The following CCDC73 variants were observed in gnomAD, a reference collection of about 807,000 sequenced individuals.
The protein encoded by CCDC73 is coiled-coil domain-containing protein 73.
A neutral mutation model predicts 116.5 loss-of-function variants in CCDC73; 95 were observed. That is an observed-to-expected ratio of 0.82 (90% CI 0.69 to 0.97). The LOEUF is 0.97. CCDC73 is among the 50% of genes least tolerant of loss of function. CCDC73 has a pLI of 0.00. For missense variants in CCDC73, 1,066 were observed against 1,206.8 expected, an observed-to-expected ratio of 0.88 and a Z score of 1.73; for synonymous variants, 398 against 401.3, an observed-to-expected ratio of 0.99 and a Z score of 0.10.
chr11:32,614,015 T>C lies in CCDC73; in HGVS notation c.2303A>G (p.Glu768Gly), dbSNP rs537297161. ...SQFNNCLGYL[E>G]NTNVNISHLH... ...ATGGGAAATGTTCACATTAGTGTTT[T>C]CTAAGTATCCCAAACAGTTATTAAA... The change falls in exon 16 of 18, where the codon GAA (glutamate) becomes GGA (glycine). Residue 768 changes from glutamate to glycine, a missense_variant. By Grantham distance (98) the Glu-to-Gly change is moderately conservative. Transcript: ENST00000335185. 2.0e-5 allele frequency: 33 copies of C among 1,611,740 alleles called. No homozygotes were observed. In the African/African-American group the frequency reaches 4.4e-4, roughly 21 times the overall value.
Position 32,681,801 on chromosome 11 carries a change from A to G in CCDC73, c.429+1735T>C, listed in dbSNP as rs556065289. 4.6e-5 allele frequency: 7 copies of G among 152,078 alleles called. No individual in the cohort carries two copies. In the East Asian group the frequency reaches 1.3e-3, roughly 29 times the overall value. The allele number at this position is 152,078 out of a possible 1,614,324, so 9.4% of individuals were successfully genotyped here. A position where few individuals can be genotyped will look rare whatever the true frequency, so the allele number is the denominator to read the frequency against. On this transcript the variant is annotated intron_variant, in intron 7 of 17. Coordinates refer to ENST00000335185, the MANE Select transcript of CCDC73 (RefSeq NM_001008391.4). ...CCGCACTTTGAATAAAGAACAAGTC[A>G]TCTGAATTATATAATAATAATGTAA...
intron 3 of CCDC73, among the ~76,000 whole-genome samples, chr11:32,707,422 C>T (rs550246317): frequency 1.9e-4 from 29 of 149,320 alleles, no homozygotes; most frequent in African/African-American, 6.7e-4. Flanking sequence ...ACGTGTTGTG[C>T]TTTCTATACT....
At chr11:32,725,232 A>T (rs919595841) in intron 2 of CCDC73, among the ~76,000 whole-genome samples, 2 of 152,126 alleles carry the variant, frequency 1.3e-5, no homozygotes, top group Non-Finnish European at 2.9e-5. Flanking sequence ...ATACAATAAG[A>T]TATTTTGGCA....
chr11:32,736,610 T>C (rs1196711760), intron 2 of CCDC73, among the ~76,000 whole-genome samples: 2 of 152,020 alleles, frequency 1.3e-5, no homozygotes, highest in Admixed American at 1.3e-4. Flanking sequence ...TGGCGATTCC[T>C]CAAGGATCTA....
intron 7 of CCDC73, 179 bp downstream of exon 7, chr11:32,683,357 A>C (rs1257486377): frequency 3.3e-6 from 2 of 605,132 alleles, no homozygotes; most frequent in Admixed American, 5.0e-5. Flanking sequence ...AATTTGTGAA[A>C]TAATTCATTT....
At chr11:32,661,858 C>T (rs1440308710) in intron 9 of CCDC73, among the ~76,000 whole-genome samples, 4 of 150,732 alleles carry the variant, frequency 2.7e-5, no homozygotes, top group South Asian at 2.1e-4. Context: ...CAACAGTCCC[C>T]GGAGTGTGAT....
intron 1 of CCDC73, among the ~76,000 whole-genome samples, chr11:32,775,788 CTTATT>C (rs1446021612): frequency 6.6e-6 from 1 of 152,054 alleles, no homozygotes; most frequent in African/African-American, 2.4e-5. Flanking sequence ...TACCTACTTT[CTTATT>C]TTATCTCTTA....
At chr11:32,635,420 C>A (rs1009665033) in intron 14 of CCDC73, among the ~76,000 whole-genome samples, 1 of 152,034 alleles carries the variant, frequency 6.6e-6, no homozygotes, top group Non-Finnish European at 1.5e-5. Context: ...ATTTGATCAA[C>A]TGATTTTCAA....
chr11:32,696,608 A>T (rs886227308), intron 6 of CCDC73, among the ~76,000 whole-genome samples: 2 of 151,286 alleles, frequency 1.3e-5, no homozygotes, highest in Non-Finnish European at 2.9e-5. Context: ...TTGCATATAT[A>T]TTTTTTTTGT....
Position 32,703,339 on chromosome 11 carries a change from G to A in CCDC73, c.208-395C>T, listed in dbSNP as rs575322109. Among the ~76,000 whole-genome samples, 6 of 151,756 alleles carry A rather than the reference G, an allele frequency of 4.0e-5. No homozygotes were observed. The East Asian group carries it at 5.8e-4, about 15-fold the overall frequency. ...CTGGACTCAAGCGACCCACCACTTC[G>A]GCCTCCCAAAATGCTAGGATTACAG... On this transcript the variant is annotated intron_variant, in intron 3 of 17. Transcript: ENST00000335185.
intron 2 of CCDC73, among the ~76,000 whole-genome samples, chr11:32,755,397 G>A (rs994753541): frequency 1.0e-4 from 15 of 147,004 alleles, no homozygotes; most frequent in African/African-American, 3.7e-4. Flanking sequence ...AGCAGGGCGT[G>A]GTGGTGCATG....
At chr11:32,679,208 T>C (rs978838303) in intron 7 of CCDC73, among the ~76,000 whole-genome samples, 12 of 152,242 alleles carry the variant, frequency 7.9e-5, no homozygotes, top group African/African-American at 2.6e-4. Flanking sequence ...TTATTAGTAA[T>C]GGTGAGCAAT....
intron 2 of CCDC73, among the ~76,000 whole-genome samples, chr11:32,727,053 TACTG>T (rs557294599): frequency 8.0e-4 from 122 of 152,322 alleles, no homozygotes; most frequent in African/African-American, 2.7e-3. Context: ...TCCTTGTTTT[TACTG>T]ACCTTGACAC....
chr11:32,651,738 G>A (rs1032783129), intron 12 of CCDC73, among the ~76,000 whole-genome samples: 2 of 152,210 alleles, frequency 1.3e-5, no homozygotes, highest in Non-Finnish European at 2.9e-5. Context: ...TCCCTATGAT[G>A]CCAGTGCACT....
chr11:32,705,398 G>C (rs1481624927), intron 3 of CCDC73, among the ~76,000 whole-genome samples: 1 of 152,110 alleles, frequency 6.6e-6, no homozygotes, highest in East Asian at 1.9e-4. Flanking sequence ...CCCTCATCCA[G>C]ACACTGGTGC....
At chr11:32,669,540 A>G (rs1856017521) in intron 9 of CCDC73, among the ~76,000 whole-genome samples, 1 of 152,120 alleles carries the variant, frequency 6.6e-6, no homozygotes, top group Non-Finnish European at 1.5e-5. Flanking sequence ...GCTATCAAAT[A>G]CTATGTCTTA....
intron 7 of CCDC73, among the ~76,000 whole-genome samples, chr11:32,677,342 G>A (rs796188492): frequency 9.9e-5 from 15 of 152,186 alleles, no homozygotes; most frequent in African/African-American, 3.4e-4. Context: ...ATTACAACAG[G>A]ACTAAAATTC....
rs939239562 is a variant in CCDC73, at chr11:32,754,375, T to C, written c.135+5734A>G. Among the ~76,000 whole-genome samples, 8 of 151,620 alleles carry C rather than the reference T, an allele frequency of 5.3e-5. No individual in the cohort carries two copies. The East Asian group carries it at 5.8e-4, about 11-fold the overall frequency. On this transcript the variant is annotated intron_variant, in intron 2 of 17. Coordinates refer to ENST00000335185, the MANE Select transcript of CCDC73 (RefSeq NM_001008391.4). ...ACAGAACTCAGTACAGAGAGGCAAA[T>C]AGGAAGAAATATAAGAGAGTTAAGA...
chr11:32,622,085 T>C (rs1855527088), intron 14 of CCDC73, among the ~76,000 whole-genome samples: 1 of 152,198 alleles, frequency 6.6e-6, no homozygotes, highest in Non-Finnish European at 1.5e-5. Flanking sequence ...AGTTCAACCA[T>C]TGTGGAAGAC....
Sources: gnomAD v4.1 joint callset for allele counts (sites outside exome capture counted in the v4.1 genomes callset) on GRCh38, gnomAD v4.1.1 for gene constraint, MANE v1.5 for transcripts, NCBI Gene and HGNC (gene_info 2026-07-23, HGNC 2026-07-21) for gene names.